Variants in TTC28 observed in about 807,000 individuals in gnomAD.
TTC28 encodes the protein tetratricopeptide repeat protein 28.
In TTC28, 61 loss-of-function variants were observed where a neutral mutation model predicts 198.0. The observed-to-expected ratio is 0.31, with a 90% CI of 0.25 to 0.38. The LOEUF (loss-of-function observed/expected upper bound fraction) is 0.38, where lower values mean the gene tolerates loss of function less well. TTC28 is among the 10% of genes least tolerant of loss of function. The pLI is 1.00. For missense variants in TTC28, 2,678 were observed against 3,164.0 expected, an observed-to-expected ratio of 0.85 and a Z score of 3.69; for synonymous variants, 1,171 against 1,297.8, an observed-to-expected ratio of 0.90 and a Z score of 2.10.
intron 5 of TTC28, among the ~76,000 whole-genome samples, chr22:28,229,902 T>C (rs1928669703): frequency 6.6e-6 from 1 of 152,120 alleles, no homozygotes; most frequent in African/African-American, 2.4e-5. Flanking sequence ...GATGCTTAAA[T>C]TTAAAAAAAA....
At chr22:28,280,868 T>G (rs2044570616) in intron 5 of TTC28, among the ~76,000 whole-genome samples, 1 of 152,182 alleles carries the variant, frequency 6.6e-6, no homozygotes, top group African/African-American at 2.4e-5. Context: ...ATTATTGAAT[T>G]CTGGGGTTGA....
At position 27,985,327 on chromosome 22, in the gene TTC28, C is replaced by G; in HGVS notation, c.5737G>C (p.Glu1913Gln). 6.4e-7 allele frequency: 1 copy of G among 1,551,408 alleles called. No homozygotes were observed. Among genetic ancestry groups the G allele is most frequent in the Non-Finnish European group, 8.7e-7 (1 of 1,146,798 alleles). ...TGCTTCCCGGTTTTCAGGATTACTT[C>G]CTCCTGACCAACTTCACAGAGATCA... ...GFDLCEVGQE[E>Q]VILKTGKQAN... is the part of the protein sequence containing the mutation. The change falls in exon 22 of 23, where the codon GAA becomes CAA. Residue 1913 changes from glutamate (E) to glutamine (Q), a missense_variant. Physicochemically the swap from Glu to Gln is conservative, Grantham distance 29. Transcript: ENST00000397906.
intron 2 of TTC28, among the ~76,000 whole-genome samples, chr22:28,423,189 A>T (rs959938851): frequency 6.6e-6 from 1 of 152,166 alleles, no homozygotes; most frequent in African/African-American, 2.4e-5. Flanking sequence ...CAGGAGTTCG[A>T]GACCAGCCTA....
At chr22:28,205,277 C>T (rs899089953) in intron 5 of TTC28, among the ~76,000 whole-genome samples, 1 of 152,082 alleles carries the variant, frequency 6.6e-6, no homozygotes, top group Non-Finnish European at 1.5e-5. Context: ...TCATTTACTT[C>T]TCCATAGTAA....
intron 2 of TTC28, among the ~76,000 whole-genome samples, chr22:28,551,534 G>C (rs2049671463): frequency 6.6e-6 from 1 of 152,126 alleles, no homozygotes. Flanking sequence ...AATCCACCAT[G>C]ACCAAGTGGT....
chr22:28,650,070 C>A (rs757808749), intron 1 of TTC28, among the ~76,000 whole-genome samples: 3 of 152,012 alleles, frequency 2.0e-5, no homozygotes, highest in Non-Finnish European at 4.4e-5. Flanking sequence ...GACTGTCATA[C>A]AAGCATAAAA....
At chr22:28,641,092 G>A (rs1023044023) in intron 1 of TTC28, among the ~76,000 whole-genome samples, 21 of 152,150 alleles carry the variant, frequency 1.4e-4, no homozygotes, top group Admixed American at 1.0e-3. Context: ...ATGGGAGGCC[G>A]AGGTAGGTGG....
At chr22:28,075,621 C>A (rs190363790) in intron 12 of TTC28, among the ~76,000 whole-genome samples, 2 of 152,318 alleles carry the variant, frequency 1.3e-5, no homozygotes, top group African/African-American at 4.8e-5. Context: ...AAGCTACAAT[C>A]CCTGCAGCAA....
chr22:28,503,839 G>C (rs1264045539), intron 2 of TTC28, among the ~76,000 whole-genome samples: 1 of 152,180 alleles, frequency 6.6e-6, no homozygotes, highest in Non-Finnish European at 1.5e-5. Flanking sequence ...ACGATTGTCA[G>C]TTTAATAATA....
chr22:28,438,302 T>C (rs536780647), intron 2 of TTC28, among the ~76,000 whole-genome samples: 20 of 152,336 alleles, frequency 1.3e-4, no homozygotes, highest in Admixed American at 7.2e-4. Context: ...AGAGAAAGCA[T>C]AGGGACTTGA....
rs558838023 is a variant in TTC28 at position 28,632,178 on chromosome 22, T to C, written c.103-2348A>G. ...TTCCTCTGTTCACACGGATATTATA[T>C]CCTGATTTCCAGGACAATTCAAAAC... On this transcript the variant is annotated intron_variant, in intron 1 of 22. Transcript: ENST00000397906. Among the ~76,000 whole-genome samples the C allele has an allele frequency of 2.6e-5, 4 of 151,124 alleles. No homozygotes were observed. In the South Asian group the frequency reaches 6.3e-4, roughly 24 times the overall value.
intron 2 of TTC28, among the ~76,000 whole-genome samples, chr22:28,411,326 A>G (rs1315581436): frequency 6.6e-6 from 1 of 152,172 alleles, no homozygotes; most frequent in African/African-American, 2.4e-5. Context: ...GAGTTGTTCA[A>G]CTCTTATGAA....
At chr22:28,146,228 G>A (rs2147001490) in intron 6 of TTC28, among the ~76,000 whole-genome samples, 1 of 152,300 alleles carries the variant, frequency 6.6e-6, no homozygotes, top group East Asian at 1.9e-4. Context: ...CTGAAATCCA[G>A]TAGTTTCTCT....
At chr22:28,042,582 G>T in intron 12 of TTC28, among the ~76,000 whole-genome samples, 1 of 152,098 alleles carries the variant, frequency 6.6e-6, no homozygotes, top group Admixed American at 6.6e-5. Flanking sequence ...GGCTTGTCAG[G>T]GGGTGGGGGA....
Position 28,107,339 on chromosome 22 carries a change from C to T in TTC28, c.2506G>A (p.Val836Ile). The change falls in exon 7 of 23, where the codon GTC becomes ATC. Residue 836 changes from valine (V) to isoleucine (I), a missense_variant. By Grantham distance (29) the Val-to-Ile change is conservative (BLOSUM62 3). Coordinates refer to ENST00000397906, the MANE Select transcript of TTC28 (RefSeq NM_001145418.2). ...TTTGTGATGCCCATGTTGCCATAGA[C>T]CTGGGCTTCCAGACTCGGATCCTTC... ...KLKDPSLEAQ[V>I]YGNMGITKMN... 1 of 1,551,952 alleles carries T rather than the reference C, an allele frequency of 6.4e-7. No homozygotes were observed. Among genetic ancestry groups the T allele is most frequent in the Non-Finnish European group, 8.7e-7 (1 of 1,147,056 alleles).
intron 1 of TTC28, among the ~76,000 whole-genome samples, chr22:28,678,960 G>C (rs539775819): frequency 9.1e-4 from 139 of 152,254 alleles, no homozygotes; most frequent in African/African-American, 2.9e-3. Flanking sequence ...TGATTCCTAC[G>C]CTCTAACGGG....
chr22:28,290,439 A>G (rs546735013), intron 5 of TTC28, among the ~76,000 whole-genome samples: 1 of 152,316 alleles, frequency 6.6e-6, no homozygotes, highest in East Asian at 1.9e-4. Flanking sequence ...AGAGGAAAAA[A>G]TAGGAGTGTA....
intron 5 of TTC28, among the ~76,000 whole-genome samples, chr22:28,282,794 T>C (rs1449890310): frequency 6.6e-6 from 1 of 152,038 alleles, no homozygotes; most frequent in East Asian, 1.9e-4. Flanking sequence ...AAGAGAAGAA[T>C]GAAAAATATA....
chr22:28,564,020 G>A (rs148419246), intron 2 of TTC28, among the ~76,000 whole-genome samples: 1 of 152,096 alleles, frequency 6.6e-6, no homozygotes, highest in Non-Finnish European at 1.5e-5. Context: ...TACACTAAGT[G>A]CAAGAAACCA....
Sources: allele counts gnomAD v4.1 joint callset (sites outside exome capture counted in the v4.1 genomes callset), GRCh38; gene constraint gnomAD v4.1.1; transcripts MANE v1.5; gene names NCBI Gene and HGNC (gene_info 2026-07-23, HGNC 2026-07-21).